The following TAS2R1 variants were observed in gnomAD, a reference collection of about 807,000 sequenced individuals.
TAS2R1 encodes the protein taste 2 receptor member 1.
For synonymous variants in TAS2R1, 141 were observed against 134.2 expected (o/e 1.05, Z -0.35); for missense variants, 370 against 353.4 (o/e 1.05, Z -0.38).
chr5:9,859,706 C>G, the TAS2R1 span, among the ~76,000 whole-genome samples: 1 of 152,172 alleles, frequency 6.6e-6, no homozygotes, highest in Non-Finnish European at 1.5e-5. Context: ...CTGCTTGCCT[C>G]TCCCACAGAA....
chr5:9,724,344 C>CTTTTTTTTT, the TAS2R1 span, among the ~76,000 whole-genome samples: 15 of 124,612 alleles, frequency 1.2e-4, no homozygotes, highest in East Asian at 2.4e-4. Flanking sequence ...ATGTTTCTTT[C>CTTTTTTTTT]TTTTTTTTTT....
chr5:9,830,437 AGAT>A, the TAS2R1 span, among the ~76,000 whole-genome samples: 1 of 152,214 alleles, frequency 6.6e-6, no homozygotes, highest in Non-Finnish European at 1.5e-5. Context: ...GTAGACAGAT[AGAT>A]GATAGATGAC....
Position 9,651,034 on chromosome 5 carries a change from T to G in TAS2R1, c.-81+8387A>C, listed in dbSNP as rs561648631. On this transcript the variant is annotated intron_variant, in intron 2 of 2. Coordinates refer to the TAS2R1 transcript ENST00000506620. ...GGGAAGTAATTCATGAAATGGCTAT[T>G]GTTCTGAACACTTAGAAAGTATTAA... Among the ~76,000 whole-genome samples the G allele has an allele frequency of 3.9e-5, 6 of 152,306 alleles. No homozygotes were observed. In the East Asian group the frequency reaches 1.2e-3, roughly 29 times the overall value.
the TAS2R1 span, among the ~76,000 whole-genome samples, chr5:9,811,053 T>TA: frequency 6.6e-6 from 1 of 152,204 alleles, no homozygotes; most frequent in Non-Finnish European, 1.5e-5. Context: ...TGTTGAAACC[T>TA]AATTACCAAG....
the TAS2R1 span, among the ~76,000 whole-genome samples, chr5:9,821,577 A>G: frequency 2.0e-5 from 3 of 152,240 alleles, no homozygotes; most frequent in African/African-American, 7.2e-5. Flanking sequence ...AGCATGATCT[A>G]AACAGGAGGT....
At chr5:9,880,115 G>A in the TAS2R1 span, among the ~76,000 whole-genome samples, 2,083 of 152,260 alleles carry the variant, frequency 0.014, 23 homozygotes, top group Non-Finnish European at 0.02. Context: ...GTGTTTAAAA[G>A]CACCAGTTGC....
the TAS2R1 span, among the ~76,000 whole-genome samples, chr5:9,842,127 C>T: frequency 1.6e-3 from 237 of 152,238 alleles, no homozygotes; most frequent in Non-Finnish European, 2.6e-3. Flanking sequence ...TAAAAACCTT[C>T]ATCACTTGTA....
At chr5:9,720,349 T>C in the TAS2R1 span, among the ~76,000 whole-genome samples, 1 of 152,198 alleles carries the variant, frequency 6.6e-6, no homozygotes, top group Non-Finnish European at 1.5e-5. Context: ...ATCTACTCAG[T>C]GAGTTTCTCA....
At chr5:9,795,968 C>T in the TAS2R1 span, among the ~76,000 whole-genome samples, 3 of 152,300 alleles carry the variant, frequency 2.0e-5, no homozygotes, top group South Asian at 2.1e-4. Context: ...TCTCCCTCAC[C>T]GAAACATACT....
the TAS2R1 span, among the ~76,000 whole-genome samples, chr5:9,719,926 A>C: frequency 0.17 from 24,524 of 147,006 alleles, 2,366 homozygotes; most frequent in Middle Eastern, 0.27. Context: ...TTCAAAAAAA[A>C]AAAAAAAAAA....
chr5:9,664,026 C>T (rs2126497626), intron 1 of TAS2R1, among the ~76,000 whole-genome samples: 1 of 152,302 alleles, frequency 6.6e-6, no homozygotes, highest in African/African-American at 2.4e-5. Flanking sequence ...TTGGACTTCT[C>T]ATCTCCAGGA....
At chr5:9,817,848 C>A in the TAS2R1 span, among the ~76,000 whole-genome samples, 1 of 148,618 alleles carries the variant, frequency 6.7e-6, no homozygotes, top group African/African-American at 2.5e-5. Flanking sequence ...CGAGCCTTGT[C>A]TTACATGGAG....
intron 1 of TAS2R1, chr5:9,659,870 A>G (rs959048823): frequency 2.0e-5 from 3 of 152,032 alleles, no homozygotes; most frequent in African/African-American, 7.2e-5. Flanking sequence ...ACTGCAGTGA[A>G]GACCCTTAAA....
chr5:9,825,488 A>G, the TAS2R1 span, among the ~76,000 whole-genome samples: 13,470 of 152,228 alleles, frequency 0.088, 1,424 homozygotes, highest in East Asian at 0.23. Flanking sequence ...GGGGGCTACA[A>G]TTCAAGATGA....
chr5:9,779,329 C>G, the TAS2R1 span, among the ~76,000 whole-genome samples: 1 of 152,178 alleles, frequency 6.6e-6, no homozygotes, highest in Non-Finnish European at 1.5e-5. Context: ...TCCTATACAA[C>G]CTGCAAAACT....
intron 2 of TAS2R1, chr5:9,641,394 G>GTGCTACAT (rs1740082257): frequency 6.6e-6 from 1 of 152,152 alleles, no homozygotes; most frequent in Admixed American, 6.5e-5. Context: ...CATAAGGCTT[G>GTGCTACAT]TGCTACATTT....
At chr5:9,804,341 C>T in the TAS2R1 span, among the ~76,000 whole-genome samples, 1 of 152,050 alleles carries the variant, frequency 6.6e-6, no homozygotes, top group South Asian at 2.1e-4. Flanking sequence ...GTCATCAAGA[C>T]AGAAAGTCAA....
the TAS2R1 span, among the ~76,000 whole-genome samples, chr5:9,770,260 T>C: frequency 6.6e-6 from 1 of 152,168 alleles, no homozygotes; most frequent in South Asian, 2.1e-4. Flanking sequence ...TTCTGTTTAA[T>C]TGGTCTATGT....
chr5:9,678,174 TG>T (rs1168622577), intron 1 of TAS2R1, among the ~76,000 whole-genome samples: 3 of 151,882 alleles, frequency 2.0e-5, no homozygotes, highest in African/African-American at 7.3e-5. Context: ...AACAAACATA[TG>T]AAAAAAACCT....
Sources: allele counts gnomAD v4.1 joint callset (sites outside exome capture counted in the v4.1 genomes callset), GRCh38; gene constraint gnomAD v4.1.1; transcripts MANE v1.5; gene names NCBI Gene and HGNC (gene_info 2026-07-23, HGNC 2026-07-21).